The following CCDC7 variants were observed in gnomAD, a reference collection of about 807,000 sequenced individuals.
CCDC7 encodes the protein coiled-coil domain-containing protein 7.
CCDC7 carries 183 observed loss-of-function variants against 196.9 expected under a neutral mutation model. That is an observed-to-expected ratio of 0.93 (90% confidence interval 0.82 to 1.05). The LOEUF is 1.05. Ranked by LOEUF, CCDC7 falls within the 50% of genes least tolerant of loss-of-function variation. CCDC7 has a pLI of 0.00. For synonymous variants in CCDC7, 525 were observed against 484.6 expected (o/e 1.08, Z -1.10); for missense variants, 1,540 against 1,482.2 (o/e 1.04, Z -0.64).
chr10:32,732,380 A>G (rs1293917172), intron 28 of CCDC7, among the ~76,000 whole-genome samples: 2 of 152,142 alleles, frequency 1.3e-5, no homozygotes, highest in Admixed American at 6.6e-5. Flanking sequence ...TTTACATGTC[A>G]TGTGTATAAA....
At chr10:32,497,537 A>T (rs373399707) in intron 9 of CCDC7, among the ~76,000 whole-genome samples, 11 of 152,290 alleles carry the variant, frequency 7.2e-5, no homozygotes, top group African/African-American at 2.4e-4. Flanking sequence ...TTAGTGCTAT[A>T]CATTTCCCTC....
chr10:32,676,391 C>T (rs1325841366), intron 21 of CCDC7, among the ~76,000 whole-genome samples: 6 of 151,758 alleles, frequency 4.0e-5, no homozygotes, highest in African/African-American at 7.3e-5. Context: ...AACTGAAGAG[C>T]TTCTGTACAG....
At chr10:32,693,009 C>T (rs2077266832) in intron 23 of CCDC7, among the ~76,000 whole-genome samples, 1 of 152,154 alleles carries the variant, frequency 6.6e-6, no homozygotes, top group African/African-American at 2.4e-5. Context: ...GTTCAGATTG[C>T]TTAACACATA....
intron 41 of CCDC7, among the ~76,000 whole-genome samples, chr10:32,866,374 CAA>C (rs1241308126): frequency 6.6e-6 from 1 of 150,912 alleles, no homozygotes; most frequent in East Asian, 1.9e-4. Context: ...TCAATATATA[CAA>C]AGTGTTCTTA....
At chr10:32,528,928 T>G (rs891748215) in intron 11 of CCDC7, among the ~76,000 whole-genome samples, 3 of 151,980 alleles carry the variant, frequency 2.0e-5, no homozygotes, top group African/African-American at 7.2e-5. Flanking sequence ...TATAATGACT[T>G]CTTTTCCTCT....
intron 13 of CCDC7, among the ~76,000 whole-genome samples, chr10:32,561,950 A>G (rs1454106622): frequency 1.3e-5 from 2 of 152,182 alleles, no homozygotes; most frequent in African/African-American, 4.8e-5. Context: ...TAGACGCAAT[A>G]AAAAATGATA....
intron 25 of CCDC7, among the ~76,000 whole-genome samples, chr10:32,720,563 A>T (rs930050593): frequency 6.6e-6 from 1 of 151,146 alleles, no homozygotes; most frequent in Non-Finnish European, 1.5e-5. Flanking sequence ...CCCAGAACTT[A>T]AACTATAATT....
chr10:32,790,462 C>A (rs2082522264), intron 29 of CCDC7, among the ~76,000 whole-genome samples: 1 of 152,212 alleles, frequency 6.6e-6, no homozygotes, highest in African/African-American at 2.4e-5. Flanking sequence ...ACAGCTGGAG[C>A]AGCCAAGGAG....
At chr10:32,548,289 A>C (rs1335656869) in intron 13 of CCDC7, among the ~76,000 whole-genome samples, 1 of 152,092 alleles carries the variant, frequency 6.6e-6, no homozygotes, top group Non-Finnish European at 1.5e-5. Context: ...AGAGAGCAGG[A>C]GTATGAACTG....
intron 29 of CCDC7, among the ~76,000 whole-genome samples, chr10:32,788,502 T>G (rs2082206368): frequency 6.6e-6 from 1 of 152,180 alleles, no homozygotes; most frequent in African/African-American, 2.4e-5. Flanking sequence ...TCAGGTAATT[T>G]TCTGTGGCCC....
chr10:32,478,714 G>A (rs993482700), intron 8 of CCDC7, among the ~76,000 whole-genome samples: 4 of 152,032 alleles, frequency 2.6e-5, no homozygotes, highest in African/African-American at 7.2e-5. Context: ...CTAATGTTTT[G>A]TTGAGGATTT....
chr10:32,849,264 T>C (rs529482889), intron 39 of CCDC7, among the ~76,000 whole-genome samples: 8 of 152,276 alleles, frequency 5.3e-5, no homozygotes, highest in Admixed American at 2.0e-4. Context: ...CTTAGGTAAC[T>C]GATGATTGTC....
At chr10:32,843,431 G>A (rs936257560) in intron 33 of CCDC7, among the ~76,000 whole-genome samples, 11 of 151,976 alleles carry the variant, frequency 7.2e-5, no homozygotes, top group Non-Finnish European at 1.5e-4. Context: ...AAAATTGACT[G>A]TGGTCAGAGC....
chr10:32,534,449 T>A (rs766058136), intron 11 of CCDC7, among the ~76,000 whole-genome samples: 9 of 152,170 alleles, frequency 5.9e-5, no homozygotes, highest in Non-Finnish European at 1.3e-4. Flanking sequence ...TGATTTCTTG[T>A]TTGCTGTTGT....
At chr10:32,752,559 C>T in intron 28 of CCDC7, among the ~76,000 whole-genome samples, 1 of 151,952 alleles carries the variant, frequency 6.6e-6, no homozygotes, top group East Asian at 1.9e-4. Flanking sequence ...TCAGGTCCCC[C>T]CTTTTGTGTG....
intron 13 of CCDC7, among the ~76,000 whole-genome samples, chr10:32,563,993 C>G (rs1366032082): frequency 6.6e-6 from 1 of 152,168 alleles, no homozygotes; most frequent in Non-Finnish European, 1.5e-5. Flanking sequence ...GGGCCAAGGA[C>G]ATGAGCAGAC....
At chr10:32,548,877 G>A (rs1344855281) in intron 13 of CCDC7, among the ~76,000 whole-genome samples, 3 of 152,212 alleles carry the variant, frequency 2.0e-5, no homozygotes, top group African/African-American at 7.2e-5. Flanking sequence ...AAACATGCAT[G>A]TGCAAGTATC....
chr10:32,514,370 G>C (rs150041231), intron 9 of CCDC7: 1 of 152,304 alleles, frequency 6.6e-6, no homozygotes, highest in East Asian at 1.9e-4. Flanking sequence ...GGAAAAGACA[G>C]ATAAACATGG....
chr10:32,740,010 A>G (rs940211083), intron 28 of CCDC7, among the ~76,000 whole-genome samples: 3 of 152,056 alleles, frequency 2.0e-5, no homozygotes, highest in African/African-American at 7.2e-5. Flanking sequence ...TAATCCTCTA[A>G]TTAGGTCTCA....
Sources: gnomAD v4.1 joint callset for allele counts (sites outside exome capture counted in the v4.1 genomes callset) on GRCh38, gnomAD v4.1.1 for gene constraint, MANE v1.5 for transcripts, NCBI Gene and HGNC (gene_info 2026-07-23, HGNC 2026-07-21) for gene names.